PLEK: variants seen among roughly 807,000 people sequenced by gnomAD.
PLEK encodes the protein pleckstrin, also known as platelet 47 kDa protein.
PLEK carries 25 observed loss-of-function variants against 43.9 expected under a neutral mutation model. The ratio of observed to expected loss-of-function variants is 0.57; its 90% confidence interval spans 0.41 to 0.79. The LOEUF is 0.79. Ranked by LOEUF, PLEK falls within the 30% of genes least tolerant of loss-of-function variation. The pLI is 0.00. For missense variants in PLEK, 396 were observed against 413.3 expected (o/e 0.96, Z 0.36); for synonymous variants, 152 against 144.4 (o/e 1.05, Z -0.38).
At chr2:68,376,686 G>C (rs1573072558) in intron 1 of PLEK, among the ~76,000 whole-genome samples, 1 of 152,072 alleles carries the variant, frequency 6.6e-6, no homozygotes, top group East Asian at 1.9e-4. Context: ...GAGATGTTTT[G>C]ATACAGGCAT....
chr2:68,372,177 A>ATTTTTTTT (rs57326035), intron 1 of PLEK, among the ~76,000 whole-genome samples: 1 of 148,362 alleles, frequency 6.7e-6, no homozygotes. Flanking sequence ...AGAGAAGTTC[A>ATTTTTTTT]TTTTTTTTTT....
intron 5 of PLEK, among the ~76,000 whole-genome samples, chr2:68,387,250 CCTGCCT>C (rs1673766729): frequency 6.6e-6 from 1 of 152,190 alleles, no homozygotes; most frequent in South Asian, 2.1e-4. Flanking sequence ...AAGTGATCCA[CCTGCCT>C]CTGCCTCCCA....
intron 3 of PLEK, 27 bp downstream of exon 3, chr2:68,380,931 A>T (rs1266003474): frequency 6.3e-7 from 1 of 1,590,882 alleles, no homozygotes; most frequent in Admixed American, 1.7e-5. Flanking sequence ...ACTTCTCTTT[A>T]CCCATTCCTT....
chr2:68,376,656 T>C (rs1458486610), intron 1 of PLEK, among the ~76,000 whole-genome samples: 1 of 152,214 alleles, frequency 6.6e-6, no homozygotes, highest in Non-Finnish European at 1.5e-5. Flanking sequence ...ATAGTAGGTA[T>C]ATGTATTTAT....
Position 68,396,170 on chromosome 2 carries a change from A to G in PLEK, c.*354A>G, listed in dbSNP as rs6742200. The G allele has an allele frequency of 0.43, 84,325 of 195,398 alleles. 19,354 individuals carry two copies. Among genetic ancestry groups the G allele is most frequent in the African/African-American group, 0.51 (21,798 of 43,088 alleles). 12.1% of individuals were successfully genotyped at this position (195,398 alleles called of 1,614,324 possible). On this transcript the variant is annotated 3_prime_UTR_variant, in exon 9 of 9. Transcript: ENST00000234313. ...CTTAAAAAAAAAAAAAATCTGCCCC[A>G]TGATTCTAACACTCGCAGTAGTGAT...
At chr2:68,366,179 C>T (rs1673270179) in intron 1 of PLEK, among the ~76,000 whole-genome samples, 1 of 152,202 alleles carries the variant, frequency 6.6e-6, no homozygotes, top group South Asian at 2.1e-4. Flanking sequence ...CAGATATGCT[C>T]ACACTAACCT....
chr2:68,369,167 A>G (rs1673342517), intron 1 of PLEK, among the ~76,000 whole-genome samples: 1 of 152,248 alleles, frequency 6.6e-6, no homozygotes, highest in South Asian at 2.1e-4. Flanking sequence ...TCATGCCTTA[A>G]TGCATTTATA....
At position 68,384,129 on chromosome 2, in the gene PLEK, C is replaced by T. The variant is rs544912547; in HGVS notation, c.472+1496C>T. ...CTGTAATGTGTTACTGAGTCCCAGA[C>T]TATTGGGCTGGTTTTTTTCTTCTTG... On this transcript the variant is annotated intron_variant, in intron 4 of 8. Coordinates refer to ENST00000234313, the MANE Select transcript of PLEK (RefSeq NM_002664.3). 2.4e-4 allele frequency among the ~76,000 whole-genome samples: 37 copies of T among 152,190 alleles called. No homozygotes were observed. The South Asian group carries it at 2.7e-3, about 11-fold the overall frequency.
chr2:68,384,170 TCC>T (rs1673691419), intron 4 of PLEK, among the ~76,000 whole-genome samples: 2 of 45,550 alleles, frequency 4.4e-5, no homozygotes, highest in Non-Finnish European at 9.3e-5. Flanking sequence ...CTTCTCCTTC[TCC>T]TTCTCCTTCT....
At chr2:68,367,201 G>A (rs999939135) in intron 1 of PLEK, among the ~76,000 whole-genome samples, 6 of 151,020 alleles carry the variant, frequency 4.0e-5, no homozygotes, top group Non-Finnish European at 5.9e-5. Context: ...CATAATTACT[G>A]CATTTTTCTC....
intron 1 of PLEK, among the ~76,000 whole-genome samples, chr2:68,372,600 C>G (rs566192845): frequency 6.6e-6 from 1 of 152,054 alleles, no homozygotes; most frequent in Admixed American, 6.6e-5. Context: ...AGGTATTTAC[C>G]AGAAAACTTC....
chr2:68,386,044 A>G (rs1421852835), intron 4 of PLEK, among the ~76,000 whole-genome samples: 1 of 151,940 alleles, frequency 6.6e-6, no homozygotes, highest in South Asian at 2.1e-4. Flanking sequence ...TTTTTTTAAG[A>G]CAAAGACTTT....
rs564508120 is a variant in PLEK at position 68,390,296 on chromosome 2, G to C, written c.762+1805G>C. ...GGGAACTGTTAAAACTGCATGCCAG[G>C]CCAATTTAATCAGAGCCTCTGGATT... is the stretch of plus-strand genomic sequence containing the variant. On this transcript the variant is annotated intron_variant, in intron 6 of 8. Coordinates refer to ENST00000234313, the MANE Select transcript of PLEK (RefSeq NM_002664.3). Among the ~76,000 whole-genome samples, 186 of 152,344 alleles carry C rather than the reference G, an allele frequency of 1.2e-3. 1 individual carries two copies. Among genetic ancestry groups the C allele is most frequent in the African/African-American group, 4.4e-3 (181 of 41,566 alleles).
At chr2:68,382,479 C>T (rs1008611564) in intron 3 of PLEK, 63 bp from the exon 4 acceptor site, 12 of 929,492 alleles carry the variant, frequency 1.3e-5, no homozygotes, top group South Asian at 1.1e-4. Flanking sequence ...TGAAATGTTC[C>T]CCACTCATCC....
At chr2:68,384,373 C>T (rs1040880778) in intron 4 of PLEK, among the ~76,000 whole-genome samples, 1 of 152,034 alleles carries the variant, frequency 6.6e-6, no homozygotes, top group Non-Finnish European at 1.5e-5. Context: ...TACAGATGTG[C>T]ACCACCATGC....
chr2:68,396,039 T>A lies in PLEK; in HGVS notation c.*223T>A. The A allele has an allele frequency of 2.0e-6, 1 of 495,300 alleles. No individual in the cohort carries two copies. The highest frequency in any genetic ancestry group is 3.1e-5 in the East Asian group (1 of 32,068). 30.7% of individuals were successfully genotyped at this position (495,300 alleles called of 1,614,324 possible). On this transcript the variant is annotated 3_prime_UTR_variant, in exon 9 of 9. Transcript: ENST00000234313. ...CCCCTATCCATGACCCCCAAGCAGA[T>A]ATAACAAGCTGTGCAGCCTCAGTAG...
chr2:68,380,872 G>A lies in PLEK; in HGVS notation c.348G>A (p.Arg116=), dbSNP rs752415590. The change falls in exon 3 of 9, where the codon AGG becomes AGA. Residue 116 remains arginine, a synonymous_variant. Coordinates refer to ENST00000234313, the MANE Select transcript of PLEK (RefSeq NM_002664.3). ...GQKFARKSTR[R]SIRLPETIDL... is the part of the protein sequence containing the mutation. ...AATTTGCCAGGAAATCTACCAGGAG[G>A]TCCATTCGACTGCCAGAAACCATTG... The A allele has an allele frequency of 1.9e-6, 3 of 1,613,846 alleles. No individual in the cohort carries two copies. The highest frequency in any genetic ancestry group is 2.5e-6 in the Non-Finnish European group (3 of 1,179,906).
intron 1 of PLEK, among the ~76,000 whole-genome samples, chr2:68,371,959 T>C (rs1673416990): frequency 6.6e-6 from 1 of 152,208 alleles, no homozygotes; most frequent in Admixed American, 6.5e-5. Flanking sequence ...GTTGAAGCAA[T>C]CAATTATGTT....
At chr2:68,378,589 T>C (rs74539550) in intron 1 of PLEK, among the ~76,000 whole-genome samples, 3,533 of 152,304 alleles carry the variant, frequency 0.023, 68 homozygotes, top group Admixed American at 0.069. Context: ...CAGTTCATTG[T>C]CATTTTTCCA....
Sources: gnomAD v4.1 joint callset for allele counts (sites outside exome capture counted in the v4.1 genomes callset) on GRCh38, gnomAD v4.1.1 for gene constraint, MANE v1.5 for transcripts, NCBI Gene and HGNC (gene_info 2026-07-23, HGNC 2026-07-21) for gene names.